The following ADAMTS12 variants were observed in gnomAD, a reference collection of about 807,000 sequenced individuals.
ADAMTS12 encodes ADAM metallopeptidase with thrombospondin type 1 motif 12.
Under a neutral mutation model 167.8 loss-of-function variants are expected in ADAMTS12, and 118 were observed. The observed-to-expected ratio is 0.70, with a 90% CI of 0.61 to 0.82. ADAMTS12 has a LOEUF of 0.82. Ranked by LOEUF, ADAMTS12 falls within the 40% of genes least tolerant of loss-of-function variation. ADAMTS12 has a pLI of 0.00. For missense variants in ADAMTS12, 1,916 were observed against 1,998.8 expected (o/e 0.96, Z 0.79); for synonymous variants, 704 against 716.9 (o/e 0.98, Z 0.29).
At chr5:33,805,916 CCT>C (rs1316784664) in intron 2 of ADAMTS12, among the ~76,000 whole-genome samples, 1 of 126,162 alleles carries the variant, frequency 7.9e-6, no homozygotes, top group Non-Finnish European at 1.7e-5. Context: ...AAAAAAGCCA[CCT>C]CTCATTTAAA....
chr5:33,824,706 A>C (rs1216726206), intron 2 of ADAMTS12, among the ~76,000 whole-genome samples: 1 of 152,176 alleles, frequency 6.6e-6, no homozygotes, highest in Middle Eastern at 3.2e-3. Flanking sequence ...GGCTCGTGAC[A>C]GTGTTGCAGC....
chr5:33,832,872 T>C (rs1748354464), intron 2 of ADAMTS12, among the ~76,000 whole-genome samples: 1 of 152,102 alleles, frequency 6.6e-6, no homozygotes, highest in Non-Finnish European at 1.5e-5. Context: ...GACTGAACAA[T>C]TGGCCTGAAA....
rs571767988 is a variant in ADAMTS12 at position 33,585,360 on chromosome 5, C to T, written c.2865+3239G>A. On this transcript the variant is annotated intron_variant, in intron 18 of 23. Transcript: ENST00000504830. ...TTATTCTCATGTTTATCATGTTGCT[C>T]TCTGCTCCCACGTGTGGCTACAACT... 3.9e-5 allele frequency among the ~76,000 whole-genome samples: 6 copies of T among 152,310 alleles called. No homozygotes were observed. The South Asian group carries it at 1.2e-3, about 32-fold the overall frequency.
intron 20 of ADAMTS12, among the ~76,000 whole-genome samples, chr5:33,555,530 T>G (rs972714541): frequency 1.3e-5 from 2 of 152,190 alleles, no homozygotes; most frequent in African/African-American, 4.8e-5. Context: ...ATTATAGGCA[T>G]GAGCTACAGT....
intron 1 of ADAMTS12, 55 bp from the exon 2 acceptor site, chr5:33,881,535 G>C (rs1241292772): frequency 1.3e-6 from 2 of 1,547,930 alleles, no homozygotes; most frequent in Non-Finnish European, 1.7e-6. Flanking sequence ...GTAAAGCAAA[G>C]CCACTTTCGT....
intron 16 of ADAMTS12, chr5:33,603,625 C>T (rs1738292699): frequency 6.6e-6 from 1 of 152,176 alleles, no homozygotes; most frequent in South Asian, 2.1e-4. Context: ...TGAGAGTGCC[C>T]TTTACCTCTG....
At chr5:33,547,106 G>C (rs1037373721) in intron 21 of ADAMTS12, among the ~76,000 whole-genome samples, 2 of 152,130 alleles carry the variant, frequency 1.3e-5, no homozygotes, top group Admixed American at 6.5e-5. Flanking sequence ...TATTCAACCT[G>C]TTTTTAACCC....
chr5:33,807,174 G>A (rs1747268166), intron 2 of ADAMTS12, among the ~76,000 whole-genome samples: 1 of 151,966 alleles, frequency 6.6e-6, no homozygotes, highest in Non-Finnish European at 1.5e-5. Context: ...CATTCCCTTC[G>A]GCCTTTGGAC....
intron 23 of ADAMTS12, 84 bp downstream of exon 23, chr5:33,534,749 A>T: frequency 2.7e-6 from 4 of 1,489,994 alleles, no homozygotes; most frequent in Non-Finnish European, 3.6e-6. Flanking sequence ...AGTAAAAGAA[A>T]TGTAAAGCTA....
At chr5:33,850,808 C>T (rs1171245016) in intron 2 of ADAMTS12, among the ~76,000 whole-genome samples, 3 of 152,060 alleles carry the variant, frequency 2.0e-5, no homozygotes, top group Admixed American at 6.5e-5. Flanking sequence ...TCTAAAGAGG[C>T]GAAGTCTTGT....
At chr5:33,743,789 T>C (rs147209006) in intron 3 of ADAMTS12, among the ~76,000 whole-genome samples, 1 of 152,292 alleles carries the variant, frequency 6.6e-6, no homozygotes, top group African/African-American at 2.4e-5. Context: ...GATCTGCTTT[T>C]CTCCAAAATA....
intron 2 of ADAMTS12, among the ~76,000 whole-genome samples, chr5:33,816,050 G>T (rs1747639898): frequency 6.6e-6 from 1 of 152,162 alleles, no homozygotes; most frequent in African/African-American, 2.4e-5. Flanking sequence ...GTCTGGTCCT[G>T]CCATAGTGAC....
At chr5:33,702,962 G>T (rs1008310877) in intron 3 of ADAMTS12, among the ~76,000 whole-genome samples, 1 of 152,126 alleles carries the variant, frequency 6.6e-6, no homozygotes. Flanking sequence ...GGTCTCACTG[G>T]ATTCCTACAA....
chr5:33,817,390 C>A (rs1747702362), intron 2 of ADAMTS12, among the ~76,000 whole-genome samples: 1 of 152,104 alleles, frequency 6.6e-6, no homozygotes, highest in African/African-American at 2.4e-5. Context: ...TTCTCCTCAC[C>A]CTCTTCATTC....
intron 18 of ADAMTS12, among the ~76,000 whole-genome samples, chr5:33,587,839 C>G (rs1340496784): frequency 1.3e-5 from 2 of 148,386 alleles, no homozygotes; most frequent in East Asian, 3.9e-4. Flanking sequence ...TTTTAAAAAA[C>G]ATGTATTTTC....
intron 3 of ADAMTS12, among the ~76,000 whole-genome samples, chr5:33,696,288 G>A (rs1422576065): frequency 6.6e-6 from 1 of 151,438 alleles, no homozygotes; most frequent in African/African-American, 2.4e-5. Context: ...GGGCACGGTG[G>A]CGGGCGCCTG....
chr5:33,819,285 T>C (rs1747784834), intron 2 of ADAMTS12, among the ~76,000 whole-genome samples: 1 of 152,166 alleles, frequency 6.6e-6, no homozygotes, highest in South Asian at 2.1e-4. Context: ...AATTTCATTA[T>C]TTTGTCAGTG....
At chr5:33,664,297 A>G (rs575657204) in intron 5 of ADAMTS12, among the ~76,000 whole-genome samples, 1 of 152,350 alleles carries the variant, frequency 6.6e-6, no homozygotes, top group East Asian at 1.9e-4. Flanking sequence ...TAGTCAAGAG[A>G]GTGTGCTATA....
intron 11 of ADAMTS12, among the ~76,000 whole-genome samples, chr5:33,640,217 AT>A (rs1272652313): frequency 6.6e-6 from 1 of 152,224 alleles, no homozygotes; most frequent in African/African-American, 2.4e-5. Flanking sequence ...AGTGTTAGCA[AT>A]GAATTTAAGC....
Sources: allele counts gnomAD v4.1 joint callset (sites outside exome capture counted in the v4.1 genomes callset), GRCh38; gene constraint gnomAD v4.1.1; transcripts MANE v1.5; gene names NCBI Gene and HGNC (gene_info 2026-07-23, HGNC 2026-07-21).